Variants in TFB2M observed in about 807,000 individuals in gnomAD.
The protein encoded by TFB2M is dimethyladenosine transferase 2, mitochondrial.
Under a neutral mutation model 41.3 loss-of-function variants are expected in TFB2M, and 44 were observed. The ratio of observed to expected loss-of-function variants is 1.07; its 90% CI spans 0.84 to 1.37. TFB2M has a LOEUF of 1.37. TFB2M is among the 40% of genes most tolerant of loss of function. TFB2M has a pLI of 0.00. For synonymous variants in TFB2M, 188 were observed against 176.8 expected (o/e 1.06, Z -0.50); for missense variants, 496 against 490.2 (o/e 1.01, Z -0.11).
At chr1:246,554,464 G>T (rs538838706) in intron 4 of TFB2M, among the ~76,000 whole-genome samples, 1 of 151,944 alleles carries the variant, frequency 6.6e-6, no homozygotes, top group Non-Finnish European at 1.5e-5. Flanking sequence ...AGCCGCCTTA[G>T]ATTCTCATAG....
At chr1:246,564,477 A>G in intron 1 of TFB2M, 43 bp from the exon 2 acceptor site, 1 of 1,566,308 alleles carries the variant, frequency 6.4e-7, no homozygotes, top group Admixed American at 1.7e-5. Context: ...TACAAGAAAC[A>G]TAATCTCTTT....
chr1:246,548,495 A>T (rs1271858672), intron 6 of TFB2M, 50 bp downstream of exon 6: 85 of 1,522,656 alleles, frequency 5.6e-5, no homozygotes, highest in Non-Finnish European at 7.3e-5. Context: ...AATAAAATAA[A>T]AAATACGTCA....
chr1:246,541,107 G>A lies in TFB2M; in HGVS notation c.1115C>T (p.Thr372Ile), dbSNP rs754412650. 12 of 1,613,916 alleles carry A rather than the reference G, an allele frequency of 7.4e-6. No individual in the cohort carries two copies. In the Middle Eastern group the frequency reaches 4.9e-4, roughly 66 times the overall value. The change falls in exon 8 of 8, where the codon ACA becomes ATA. Residue 372 changes from threonine (T) to isoleucine (I), a missense_variant. By Grantham distance (89) the Thr-to-Ile change is moderately conservative (BLOSUM62 -1). Coordinates refer to ENST00000366514, the MANE Select transcript of TFB2M (RefSeq NM_022366.3). The part of the protein sequence containing the change: ...VVNMHPQDFK[T>I]LFETIERSKD... Reference sequence around the variant, plus strand: ...GGAACGCTCTATAGTTTCAAAAAGTGTTTTGAAGTCTTGAGGGTGCATGTT... The same window carrying A: ...GGAACGCTCTATAGTTTCAAAAAGTATTTTGAAGTCTTGAGGGTGCATGTT...
rs764498048 is a variant in TFB2M at position 246,546,983 on chromosome 1, A to ACACACACACACACACACACACT, written c.858+1561_858+1562insAGTGTGTGTGTGTGTGTGTGTG. Among the ~76,000 whole-genome samples, 7 of 127,180 alleles carry ACACACACACACACACACACACT rather than the reference A, an allele frequency of 5.5e-5. No individual in the cohort carries two copies. The Admixed American group carries it at 5.7e-4, about 10-fold the overall frequency. 83.4% of individuals were successfully genotyped at this position (127,180 alleles called of 152,430 possible). A position where few individuals can be genotyped will look rare whatever the true frequency, so the allele number is the denominator to read the frequency against. On this transcript the variant is annotated intron_variant, in intron 6 of 7. Transcript: ENST00000366514. ...TGTATATATACACACACACACACAC[A>ACACACACACACACACACACACT]TTTTTTTTTTTTTTTTTTGAGACAA...
rs1370128676 is a variant in TFB2M at position 246,548,480 on chromosome 1, A to T, written c.858+65T>A. 4.0e-6 allele frequency: 5 copies of T among 1,262,840 alleles called. No individual in the cohort carries two copies. In the Admixed American group the frequency reaches 6.7e-5, roughly 17 times the overall value. The allele number at this position is 1,262,840 out of a possible 1,614,324, so 78.2% of individuals were successfully genotyped here. A position where few individuals can be genotyped will look rare whatever the true frequency, so the allele number is the denominator to read the frequency against. Reference sequence around the variant, plus strand: ...TAAATACAGACTACCAAATAGTCCTAAAAAAATAAAATAAAAAATACGTCA... The same window carrying T: ...TAAATACAGACTACCAAATAGTCCTTAAAAAATAAAATAAAAAATACGTCA... On this transcript the variant is annotated intron_variant, in intron 6 of 7. Transcript: ENST00000366514.
rs1220533548 is a variant in TFB2M at position 246,556,665 on chromosome 1, A to G, written c.613T>C (p.Trp205Arg). ...FPSRGEKRAL[W>R]KLAYDLYSCT... Reference sequence around the variant, plus strand: ...GAATACAAGTCATATGCGAGTTTCCAAAGTGCCCTTTTCTCACCTCTACTT... The same window carrying G: ...GAATACAAGTCATATGCGAGTTTCCGAAGTGCCCTTTTCTCACCTCTACTT... The change falls in exon 4 of 8, where the codon TGG (tryptophan) becomes CGG (arginine). Residue 205 changes from tryptophan (W) to arginine (R), a missense_variant. Trp to Arg is a moderately radical substitution (Grantham distance 101). Coordinates refer to ENST00000366514, the MANE Select transcript of TFB2M (RefSeq NM_022366.3). 2 of 1,584,204 alleles carry G rather than the reference A, an allele frequency of 1.3e-6. No individual in the cohort carries two copies. The highest frequency in any genetic ancestry group is 2.3e-5 in the East Asian group (1 of 43,596).
intron 4 of TFB2M, among the ~76,000 whole-genome samples, chr1:246,555,734 A>G (rs1388654340): frequency 6.6e-6 from 1 of 152,186 alleles, no homozygotes; most frequent in Admixed American, 6.5e-5. Context: ...AACAGCCAAA[A>G]GGTAAAAGCA....
chr1:246,541,099 C>CA lies in TFB2M; in HGVS notation c.1122dup (p.Glu375Ter). 3 of 1,614,118 alleles carry CA rather than the reference C, an allele frequency of 1.9e-6. No individual in the cohort carries two copies. The highest frequency in any genetic ancestry group is 1.7e-6 in the Non-Finnish European group (2 of 1,179,988). ...CAATCTTTGGAACGCTCTATAGTTT[C>CA]AAAAAGTGTTTTGAAGTCTTGAGGG... On this transcript the variant is annotated frameshift_variant, in exon 8 of 8. Transcript: ENST00000366514. LOFTEE classifies it low-confidence loss of function (END_TRUNC).
chr1:246,561,914 G>A (rs1272279129), intron 2 of TFB2M, among the ~76,000 whole-genome samples: 12 of 151,476 alleles, frequency 7.9e-5, no homozygotes, highest in Admixed American at 7.9e-4. Flanking sequence ...CCTCAAATCA[G>A]GATAAAAGTT....
intron 2 of TFB2M, among the ~76,000 whole-genome samples, chr1:246,560,632 C>A (rs919234184): frequency 1.3e-5 from 2 of 152,194 alleles, no homozygotes; most frequent in African/African-American, 4.8e-5. Flanking sequence ...TCAGTTAACA[C>A]TCAACAATTC....
At chr1:246,554,974 G>C (rs184038217) in intron 4 of TFB2M, among the ~76,000 whole-genome samples, 1 of 152,188 alleles carries the variant, frequency 6.6e-6, no homozygotes, top group East Asian at 1.9e-4. Context: ...TTAATATCCA[G>C]AATATATAAA....
intron 5 of TFB2M, among the ~76,000 whole-genome samples, chr1:246,550,621 C>T (rs531425982): frequency 2.7e-4 from 41 of 152,304 alleles, no homozygotes; most frequent in African/African-American, 8.9e-4. Context: ...CAGTGGCTCA[C>T]GCCTGTAATC....
At chr1:246,550,283 A>G (rs1185326375) in intron 5 of TFB2M, among the ~76,000 whole-genome samples, 3 of 152,206 alleles carry the variant, frequency 2.0e-5, no homozygotes, top group Non-Finnish European at 4.4e-5. Context: ...TACTGAGAGT[A>G]CAATATACAG....
Position 246,540,969 on chromosome 1 carries a change from T to C in TFB2M, c.*62A>G. 2 of 1,515,928 alleles carry C rather than the reference T, an allele frequency of 1.3e-6. No individual in the cohort carries two copies. Among genetic ancestry groups the C allele is most frequent in the Non-Finnish European group, 1.8e-6 (2 of 1,123,152 alleles). The allele number at this position is 1,515,928 out of a possible 1,614,324, so 93.9% of individuals were successfully genotyped here. A position where few individuals can be genotyped will look rare whatever the true frequency, so the allele number is the denominator to read the frequency against. ...CTGAAAGGATGTGAGTTTTCAAATT[T>C]GGTTTTCATGTCATAGTTTCCAAAT... On this transcript the variant is annotated 3_prime_UTR_variant, in exon 8 of 8. Transcript: ENST00000366514.
At chr1:246,544,353 A>G (rs1003086479) in intron 7 of TFB2M, among the ~76,000 whole-genome samples, 168 bp downstream of exon 7, 2 of 152,262 alleles carry the variant, frequency 1.3e-5, no homozygotes, top group South Asian at 2.1e-4. Context: ...TGGGAAAAAT[A>G]TATTTTCCTC....
In TFB2M at chr1:246,548,621, A is replaced by G. The variant is rs780662211; in HGVS notation, c.796-14T>C. 5.0e-6 allele frequency: 8 copies of G among 1,607,690 alleles called. No homozygotes were observed. Among genetic ancestry groups the G allele is most frequent in the Non-Finnish European group, 6.8e-6 (8 of 1,178,218 alleles). On this transcript the variant is annotated splice_polypyrimidine_tract_variant and intron_variant, in intron 5 of 7. Transcript: ENST00000366514. The stretch of plus-strand genomic sequence containing the variant: ...TGACCAAGGCTCCTGGGGAAGAAAA[A>G]CAAAGCAAAACAACATCTTTTATTT...
chr1:246,544,561 A>T lies in TFB2M; in HGVS notation c.979T>A (p.Cys327Ser). 2 of 1,609,940 alleles carry T rather than the reference A, an allele frequency of 1.2e-6. No individual in the cohort carries two copies. Among genetic ancestry groups the T allele is most frequent in the South Asian group, 2.2e-5 (2 of 89,650 alleles). The change falls in exon 7 of 8, where the codon TGT (cysteine) becomes AGT (serine). Residue 327 changes from cysteine to serine, a missense_variant. Cys to Ser is a moderately radical substitution (Grantham distance 112). Transcript: ENST00000366514. ...ACAGTGGCGCTGCGCCTCCCAAAAC[A>T]GTGCTTTAACAAGTGAAAAAATATA... is the stretch of plus-strand genomic sequence containing the variant. ...YNIFFHLLKH[C>S]FGRRSATVID...
rs766623410 is a variant in TFB2M at position 246,563,246 on chromosome 1, C to G, written c.402+1100G>C. ...CTGTACTAATGGTATGTCATTTTTTCTACTGTTAAGCACTCATGTGTGAAT... is the reference window on the plus strand; with the variant it reads ...CTGTACTAATGGTATGTCATTTTTTGTACTGTTAAGCACTCATGTGTGAAT... On this transcript the variant is annotated intron_variant, in intron 2 of 7. Transcript: ENST00000366514. 2.1e-5 allele frequency among the ~76,000 whole-genome samples: 3 copies of G among 140,704 alleles called. No homozygotes were observed. In the South Asian group the frequency reaches 6.7e-4, roughly 32 times the overall value. 92.3% of individuals were successfully genotyped at this position (140,704 alleles called of 152,430 possible). A position where few individuals can be genotyped will look rare whatever the true frequency, so the allele number is the denominator to read the frequency against.
chr1:246,553,428 A>C (rs4654292), intron 4 of TFB2M, among the ~76,000 whole-genome samples: 1 of 152,046 alleles, frequency 6.6e-6, no homozygotes, highest in Non-Finnish European at 1.5e-5. Flanking sequence ...CCAGCACCTC[A>C]GGAGACTGAG....
Sources: allele counts gnomAD v4.1 joint callset (sites outside exome capture counted in the v4.1 genomes callset), GRCh38; gene constraint gnomAD v4.1.1; transcripts MANE v1.5; gene names NCBI Gene and HGNC (gene_info 2026-07-23, HGNC 2026-07-21).